PDLIM5: variants seen among roughly 807,000 people sequenced by gnomAD.
The protein encoded by PDLIM5 is PDZ and LIM domain protein 5.
A neutral mutation model predicts 64.2 loss-of-function variants in PDLIM5; 34 were observed. That is an observed-to-expected ratio of 0.53 (90% CI 0.40 to 0.71). The LOEUF is 0.71. Among genes scored for constraint, PDLIM5 ranks in the 30% least tolerant of loss-of-function variants. PDLIM5 has a pLI of 0.00. For synonymous variants in PDLIM5, 253 were observed against 269.1 expected (o/e 0.94, Z 0.59); for missense variants, 683 against 733.6 (o/e 0.93, Z 0.80).
chr4:94,654,263 C>T (rs377643087), intron 9 of PDLIM5, among the ~76,000 whole-genome samples, 197 bp from the exon 10 acceptor site: 1 of 152,134 alleles, frequency 6.6e-6, no homozygotes, highest in Non-Finnish European at 1.5e-5. Flanking sequence ...CTTAAGTGCA[C>T]GTCTCCCGTT....
rs1742087163 is a variant in PDLIM5, at chr4:94,654,783, C to A, written c.1464+143C>A. 8.4e-6 allele frequency: 5 copies of A among 598,746 alleles called. No homozygotes were observed. The Middle Eastern group carries it at 1.4e-3, about 162-fold the overall frequency. 37.1% of individuals were successfully genotyped at this position (598,746 alleles called of 1,614,324 possible). ...TTCGGCACTATTTATTATTGTAAAGCAAAACTAAATAGACCTCTGTGGAAA... is the reference window on the plus strand; with the variant it reads ...TTCGGCACTATTTATTATTGTAAAGAAAAACTAAATAGACCTCTGTGGAAA... On this transcript the variant is annotated intron_variant, in intron 10 of 12. Transcript: ENST00000317968.
At chr4:94,462,805 A>G (rs1301677041) in intron 2 of PDLIM5, among the ~76,000 whole-genome samples, 1 of 152,146 alleles carries the variant, frequency 6.6e-6, no homozygotes, top group East Asian at 1.9e-4. Context: ...ATGCTAGCCT[A>G]AGTTTCAACA....
At chr4:94,564,627 T>G (rs1379647390) in intron 3 of PDLIM5, among the ~76,000 whole-genome samples, 1 of 151,240 alleles carries the variant, frequency 6.6e-6, no homozygotes, top group Non-Finnish European at 1.5e-5. Context: ...CAAATGGATG[T>G]AAGCACCTTC....
At chr4:94,658,390 T>C (rs1742385518) in intron 11 of PDLIM5, among the ~76,000 whole-genome samples, 1 of 152,252 alleles carries the variant, frequency 6.6e-6, no homozygotes, top group Non-Finnish European at 1.5e-5. Context: ...TCAGAACGTT[T>C]CCTTTTCCTT....
At chr4:94,623,241 A>G (rs75629563) in intron 8 of PDLIM5, among the ~76,000 whole-genome samples, 5,072 of 152,062 alleles carry the variant, frequency 0.033, 292 homozygotes, top group African/African-American at 0.11. Flanking sequence ...TCCCCTTGCA[A>G]TCTCAGGCCA....
intron 3 of PDLIM5, among the ~76,000 whole-genome samples, chr4:94,554,246 T>G (rs754222323): frequency 6.6e-6 from 1 of 152,238 alleles, no homozygotes; most frequent in Non-Finnish European, 1.5e-5. Context: ...ATGCTGTTGT[T>G]TTCCTTATTG....
intron 7 of PDLIM5, among the ~76,000 whole-genome samples, chr4:94,594,481 C>G (rs976779445): frequency 5.3e-5 from 8 of 151,916 alleles, no homozygotes; most frequent in African/African-American, 9.7e-5. Context: ...AAAGAGGCAA[C>G]AGCCATCTTA....
intron 3 of PDLIM5, among the ~76,000 whole-genome samples, chr4:94,524,698 A>G (rs773266047): frequency 6.6e-6 from 1 of 152,198 alleles, no homozygotes. Context: ...TGAGCATCCC[A>G]TCATTTGAAA....
At chr4:94,495,733 A>T (rs1040898936) in intron 2 of PDLIM5, among the ~76,000 whole-genome samples, 2 of 152,140 alleles carry the variant, frequency 1.3e-5, no homozygotes, top group Non-Finnish European at 2.9e-5. Context: ...CATGCTTTCC[A>T]GGGGGGTACA....
chr4:94,663,536 G>A (rs980867135), intron 12 of PDLIM5, among the ~76,000 whole-genome samples: 3 of 152,142 alleles, frequency 2.0e-5, no homozygotes, highest in Non-Finnish European at 4.4e-5. Context: ...AAGGGTCTCA[G>A]GTATTCTGTG....
At chr4:94,528,502 C>A (rs1408257792) in intron 3 of PDLIM5, among the ~76,000 whole-genome samples, 2 of 152,080 alleles carry the variant, frequency 1.3e-5, no homozygotes, top group African/African-American at 4.8e-5. Flanking sequence ...AGAGCAAAAA[C>A]CATGTTTTTT....
intron 3 of PDLIM5, among the ~76,000 whole-genome samples, chr4:94,534,108 C>T (rs11731606): frequency 0.23 from 35,103 of 152,062 alleles, 4,359 homozygotes; most frequent in African/African-American, 0.31. Flanking sequence ...CCAGTACACA[C>T]CTAGTCTTGT....
chr4:94,523,613 A>T, intron 2 of PDLIM5, 111 bp from the exon 3 acceptor site: 1 of 614,812 alleles, frequency 1.6e-6, no homozygotes, highest in East Asian at 2.8e-5. Flanking sequence ...GTTTTATGTT[A>T]CTTCAATAGT....
chr4:94,487,188 C>T (rs767208680), intron 2 of PDLIM5, among the ~76,000 whole-genome samples: 1 of 152,022 alleles, frequency 6.6e-6, no homozygotes, highest in Non-Finnish European at 1.5e-5. Context: ...CTATGGGCAG[C>T]TGAATGTAAC....
chr4:94,563,974 T>C (rs536622033), intron 3 of PDLIM5, among the ~76,000 whole-genome samples: 12 of 120,860 alleles, frequency 9.9e-5, no homozygotes, highest in Admixed American at 4.6e-4. Context: ...TTTTTTTTTT[T>C]CTGTTTTGAG....
chr4:94,556,826 T>C (rs550162888), intron 3 of PDLIM5, among the ~76,000 whole-genome samples: 2 of 152,196 alleles, frequency 1.3e-5, no homozygotes, highest in Non-Finnish European at 2.9e-5. Flanking sequence ...GATGAGTAGA[T>C]TGCAAAAATT....
At chr4:94,621,063 T>G (rs1312296962) in intron 8 of PDLIM5, among the ~76,000 whole-genome samples, 1 of 91,146 alleles carries the variant, frequency 1.1e-5, no homozygotes, top group Non-Finnish European at 1.9e-5. Flanking sequence ...AGAGTGAGAC[T>G]CTGTCTCAAA....
chr4:94,582,079 C>T (rs1735778654), intron 5 of PDLIM5, among the ~76,000 whole-genome samples: 1 of 152,100 alleles, frequency 6.6e-6, no homozygotes, highest in African/African-American at 2.4e-5. Flanking sequence ...CACTGTGCTT[C>T]CTACATTTTT....
chr4:94,606,422 C>T (rs1223666254), intron 7 of PDLIM5, among the ~76,000 whole-genome samples: 1 of 151,914 alleles, frequency 6.6e-6, no homozygotes, highest in East Asian at 1.9e-4. Flanking sequence ...TGGAGTTATC[C>T]CAGTGAGGGT....
Sources: allele counts gnomAD v4.1 joint callset (sites outside exome capture counted in the v4.1 genomes callset), GRCh38; gene constraint gnomAD v4.1.1; transcripts MANE v1.5; gene names NCBI Gene and HGNC (gene_info 2026-07-23, HGNC 2026-07-21).